PTPRO: variants seen among roughly 807,000 people sequenced by gnomAD.
PTPRO encodes protein tyrosine phosphatase receptor type O, also known as receptor-type tyrosine-protein phosphatase O.
In PTPRO, 62 loss-of-function variants were observed where a neutral mutation model predicts 145.2. The ratio of observed to expected loss-of-function variants is 0.43; its 90% CI spans 0.35 to 0.53. The LOEUF is 0.53. PTPRO is among the 20% of genes least tolerant of loss of function. The probability of loss-of-function intolerance (pLI) is 0.01; values close to 1 mark genes in which losing one functional copy is unlikely to be tolerated. For synonymous variants in PTPRO, 565 were observed against 514.7 expected (o/e 1.10, Z -1.32); for missense variants, 1,345 against 1,482.7 (o/e 0.91, Z 1.53).
chr12:15,539,918 AT>A (rs1324844326), intron 12 of PTPRO, among the ~76,000 whole-genome samples: 148 of 147,076 alleles, frequency 1.0e-3, no homozygotes, highest in African/African-American at 1.9e-3. Context: ...ATTTGCCTGA[AT>A]TTTTTTTTTT....
intron 1 of PTPRO, among the ~76,000 whole-genome samples, chr12:15,403,322 C>T (rs922141156): frequency 2.1e-4 from 32 of 152,140 alleles, no homozygotes; most frequent in Non-Finnish European, 1.2e-4. Context: ...ATGGCTCACA[C>T]CTGTAATTCC....
chr12:15,360,224 A>C (rs1938131919), intron 1 of PTPRO, among the ~76,000 whole-genome samples: 2 of 152,136 alleles, frequency 1.3e-5, no homozygotes, highest in South Asian at 4.1e-4. Context: ...TCAGGAAAGG[A>C]GCTTATCAGT....
intron 1 of PTPRO, among the ~76,000 whole-genome samples, chr12:15,371,699 A>G (rs1938536032): frequency 6.6e-6 from 1 of 152,040 alleles, no homozygotes; most frequent in African/African-American, 2.4e-5. Flanking sequence ...TCCCCACCCA[A>G]ATCTCATCTT....
chr12:15,503,650 AG>A (rs1486193561), intron 5 of PTPRO, among the ~76,000 whole-genome samples: 3 of 152,118 alleles, frequency 2.0e-5, no homozygotes. Flanking sequence ...GAGTACATAA[AG>A]ATACACAGTG....
At position 15,364,602 on chromosome 12, in the gene PTPRO, G is replaced by A. The variant is rs540368048; in HGVS notation, c.75+41801G>A. 2.1e-4 allele frequency among the ~76,000 whole-genome samples: 32 copies of A among 152,198 alleles called. No homozygotes were observed. In the South Asian group the frequency reaches 5.6e-3, roughly 27 times the overall value. The stretch of plus-strand genomic sequence containing the variant: ...GATGTGCATTCCACACACCAGCCCA[G>A]CAATCCAGATTATTGACTGTAATTA... On this transcript the variant is annotated intron_variant, in intron 1 of 26. Coordinates refer to ENST00000281171, the MANE Select transcript of PTPRO (RefSeq NM_030667.3).
In PTPRO at chr12:15,520,288, A is replaced by T; in HGVS notation, c.1867A>T (p.Ser623Cys). 6.2e-7 allele frequency: 1 copy of T among 1,613,290 alleles called. No homozygotes were observed. Among genetic ancestry groups the T allele is most frequent in the South Asian group, 1.1e-5 (1 of 91,066 alleles). ...AGATCCAGAATTGAGCTGCTGTGAC[A>T]GCTCTACCATCAGCTTCATAACAGG... is the stretch of plus-strand genomic sequence containing the variant. Reference protein sequence around the residue: ...WGDPELSCCDSSTISFITAPV... With the variant: ...WGDPELSCCDCSTISFITAPV... Residue 623 changes from serine to cysteine, a missense_variant, in exon 10 of 27, where the codon AGC (serine) becomes TGC (cysteine). Transcript: ENST00000281171.
chr12:15,430,612 C>T (rs771845720), intron 1 of PTPRO, among the ~76,000 whole-genome samples: 3 of 152,076 alleles, frequency 2.0e-5, no homozygotes, highest in Non-Finnish European at 4.4e-5. Flanking sequence ...TCAAAGAATA[C>T]AAAATTTCAG....
At chr12:15,386,347 A>G (rs1475435134) in intron 1 of PTPRO, among the ~76,000 whole-genome samples, 1 of 152,340 alleles carries the variant, frequency 6.6e-6, no homozygotes, top group Middle Eastern at 3.4e-3. Context: ...GAAAAAGAAC[A>G]AAAAATAACT....
chr12:15,376,357 T>C (rs189094711), intron 1 of PTPRO, among the ~76,000 whole-genome samples: 40 of 152,260 alleles, frequency 2.6e-4, no homozygotes, highest in Non-Finnish European at 4.9e-4. Flanking sequence ...TCAGCAAAAC[T>C]ATCTTTCAAA....
intron 12 of PTPRO, among the ~76,000 whole-genome samples, chr12:15,541,673 T>A (rs1376890878): frequency 6.6e-6 from 1 of 152,200 alleles, no homozygotes; most frequent in African/African-American, 2.4e-5. Context: ...CTGATTAGAT[T>A]AGAGCACGTG....
chr12:15,368,095 G>C (rs1938417865), intron 1 of PTPRO, among the ~76,000 whole-genome samples: 1 of 152,120 alleles, frequency 6.6e-6, no homozygotes, highest in Non-Finnish European at 1.5e-5. Context: ...ACTACAATAA[G>C]CTGCAAAACT....
intron 2 of PTPRO, among the ~76,000 whole-genome samples, chr12:15,487,511 G>C (rs1941914266): frequency 6.6e-6 from 1 of 152,186 alleles, no homozygotes. Context: ...AAGGTCCAGG[G>C]AAGTAAGTTT....
intron 12 of PTPRO, among the ~76,000 whole-genome samples, chr12:15,527,206 A>C (rs533054971): frequency 5.3e-5 from 8 of 152,326 alleles, no homozygotes; most frequent in African/African-American, 1.9e-4. Context: ...GCCATAGAGA[A>C]GTGAAAATAC....
At position 15,414,644 on chromosome 12, in the gene PTPRO, T is replaced by G. The variant is rs1939893263; in HGVS notation, c.76-69330T>G. On this transcript the variant is annotated intron_variant, in intron 1 of 26. Transcript: ENST00000281171. ...TTCTGACAGTATTTATTTTAAATTT[T>G]AATTTATTCAGCTGCTTCAATCACA... Among the ~76,000 whole-genome samples, 3 of 152,238 alleles carry G rather than the reference T, an allele frequency of 2.0e-5. No individual in the cohort carries two copies. The South Asian group carries it at 6.2e-4, about 31-fold the overall frequency.
intron 1 of PTPRO, among the ~76,000 whole-genome samples, chr12:15,468,482 T>C (rs7953019): frequency 0.52 from 79,486 of 151,952 alleles, 21,999 homozygotes; most frequent in Middle Eastern, 0.66. Context: ...TCACATTCAC[T>C]GTCCTTAGGT....
chr12:15,480,666 T>C (rs1941758598), intron 1 of PTPRO, among the ~76,000 whole-genome samples: 1 of 152,316 alleles, frequency 6.6e-6, no homozygotes, highest in South Asian at 2.1e-4. Context: ...TGTCAGAGTT[T>C]CAGCTATCTC....
rs61754411 is a variant in PTPRO, at chr12:15,503,912, C to G, written c.1110C>G (p.Asn370Lys). The G allele has an allele frequency of 0.026, 40,563 of 1,572,542 alleles. 612 individuals carry two copies. The highest frequency in any genetic ancestry group is 0.031 in the Non-Finnish European group (35,169 of 1,143,102). ...GFHIHIEREE[N>K]FTEYLMVDEE... is the part of the protein sequence containing the mutation. ...TCTTTTTTATATATGATTTAGAGAA[C>G]TTTACTGAATATTTGATGGTGGATG... Residue 370 changes from asparagine to lysine, a missense_variant, in exon 6 of 27, where the codon AAC (asparagine) becomes AAG (lysine). By Grantham distance (94) the Asn-to-Lys change is moderately conservative. This residue lies in a region of PTPRO where 1,130 missense variants were observed against 1,214.7 expected (regional missense o/e 0.93). Transcript: ENST00000281171.
chr12:15,533,060 G>A (rs1359288000), intron 12 of PTPRO, among the ~76,000 whole-genome samples: 1 of 152,142 alleles, frequency 6.6e-6, no homozygotes. Context: ...TCAGGAATAT[G>A]AGTCAAAGTC....
chr12:15,500,616 T>C (rs1266665096), intron 4 of PTPRO, among the ~76,000 whole-genome samples: 1 of 152,112 alleles, frequency 6.6e-6, no homozygotes, highest in Non-Finnish European at 1.5e-5. Context: ...GAAGGAGAGA[T>C]AAATTTTTAT....
Sources: gnomAD v4.1 joint callset for allele counts (sites outside exome capture counted in the v4.1 genomes callset) on GRCh38, gnomAD v4.1.1 for gene constraint, gnomAD v4.1.1 regional missense constraint, MANE v1.5 for transcripts, NCBI Gene and HGNC (gene_info 2026-07-23, HGNC 2026-07-21) for gene names.